Variants in FRMD4A observed in about 807,000 individuals in gnomAD.
The protein encoded by FRMD4A is FERM domain containing 4A.
FRMD4A carries 29 observed loss-of-function variants against 129.1 expected under a neutral mutation model. That is an observed-to-expected ratio of 0.22 (90% CI 0.17 to 0.31). The LOEUF is 0.31. FRMD4A is among the 10% of genes least tolerant of loss of function. The pLI, the probability that FRMD4A is intolerant of heterozygous loss-of-function variation, is 1.00. For synonymous variants in FRMD4A, 634 were observed against 571.6 expected, an observed-to-expected ratio of 1.11 and a Z score of -1.56; for missense variants, 1,272 against 1,375.8, an observed-to-expected ratio of 0.92 and a Z score of 1.19.
chr10:13,887,941 G>A (rs1323500408), intron 2 of FRMD4A, among the ~76,000 whole-genome samples: 1 of 152,204 alleles, frequency 6.6e-6, no homozygotes, highest in Admixed American at 6.5e-5. Flanking sequence ...GATGGATTTA[G>A]GGAACTAAAA....
Position 13,793,146 on chromosome 10 carries a change from G to C in FRMD4A, c.299+3350C>G, listed in dbSNP as rs562766356. Among the ~76,000 whole-genome samples, 53 of 150,666 alleles carry C rather than the reference G, an allele frequency of 3.5e-4. 1 individual carries two copies. In the South Asian group the frequency reaches 0.01, roughly 29 times the overall value. ...TCTAAAATGTACCTTCAGGTAGTTA[G>C]TTATCTTTTCCATGACCCTCTGTTT... On this transcript the variant is annotated intron_variant, in intron 5 of 24. Transcript: ENST00000357447.
chr10:13,791,196 T>C (rs954620317), intron 5 of FRMD4A, among the ~76,000 whole-genome samples: 1 of 152,118 alleles, frequency 6.6e-6, no homozygotes, highest in Non-Finnish European at 1.5e-5. Flanking sequence ...AGCAACATCT[T>C]CTTAGAGCAA....
chr10:14,250,597 T>A (rs758636394), intron 2 of FRMD4A, among the ~76,000 whole-genome samples: 1 of 152,250 alleles, frequency 6.6e-6, no homozygotes, highest in Non-Finnish European at 1.5e-5. Flanking sequence ...CTCAGCCATA[T>A]GTCAGACCCT....
intron 3 of FRMD4A, among the ~76,000 whole-genome samples, chr10:13,840,600 C>A (rs2093947285): frequency 6.6e-6 from 1 of 150,474 alleles, no homozygotes; most frequent in African/African-American, 2.4e-5. Context: ...ACCAGTCTGG[C>A]CAACATGGTG....
chr10:14,110,190 A>G (rs566778140), intron 2 of FRMD4A, among the ~76,000 whole-genome samples: 1 of 149,936 alleles, frequency 6.7e-6, no homozygotes, highest in South Asian at 2.1e-4. Flanking sequence ...TGAGCCATAG[A>G]AAATACTACA....
intron 21 of FRMD4A, among the ~76,000 whole-genome samples, chr10:13,658,132 T>TAAAAAAAAAAAAAAAAAA (rs565374030): frequency 1.2e-5 from 1 of 81,274 alleles, no homozygotes; most frequent in Non-Finnish European, 2.4e-5. Flanking sequence ...CTGTCTCTCT[T>TAAAAAAAAAAAAAAAAAA]AAAAAAAAAA....
chr10:13,956,628 G>A (rs894743567), intron 2 of FRMD4A, among the ~76,000 whole-genome samples: 6 of 152,190 alleles, frequency 3.9e-5, no homozygotes, highest in Admixed American at 2.0e-4. Context: ...TCTTGTGTAC[G>A]CCATGATGCT....
chr10:13,648,543 C>T (rs563535074), intron 24 of FRMD4A: 8 of 152,242 alleles, frequency 5.3e-5, no homozygotes, highest in South Asian at 4.2e-4. Flanking sequence ...GAGAGTCCCC[C>T]GATCAAAATC....
chr10:14,179,053 A>G (rs1271200845), intron 2 of FRMD4A, among the ~76,000 whole-genome samples: 1 of 152,170 alleles, frequency 6.6e-6, no homozygotes, highest in East Asian at 1.9e-4. Context: ...CTAGACTAGG[A>G]GCACTTGTAA....
chr10:13,789,648 T>C (rs1303673084), intron 5 of FRMD4A, among the ~76,000 whole-genome samples: 1 of 152,004 alleles, frequency 6.6e-6, no homozygotes, highest in Non-Finnish European at 1.5e-5. Flanking sequence ...TTGACCTATT[T>C]CTAAAGCTTG....
At chr10:14,027,915 C>G (rs910456354) in intron 2 of FRMD4A, among the ~76,000 whole-genome samples, 1 of 152,146 alleles carries the variant, frequency 6.6e-6, no homozygotes, top group Non-Finnish European at 1.5e-5. Flanking sequence ...ATCATGAATT[C>G]GGATTTTAGT....
intron 2 of FRMD4A, among the ~76,000 whole-genome samples, chr10:14,133,443 T>A (rs1457951149): frequency 6.6e-6 from 1 of 152,204 alleles, no homozygotes; most frequent in Non-Finnish European, 1.5e-5. Flanking sequence ...GGGTCCCTTA[T>A]GCATGACAGC....
At chr10:13,736,805 T>A (rs905539931) in intron 12 of FRMD4A, among the ~76,000 whole-genome samples, 1 of 152,248 alleles carries the variant, frequency 6.6e-6, no homozygotes, top group African/African-American at 2.4e-5. Context: ...TACCATCTCC[T>A]TTATTCTCCA....
intron 2 of FRMD4A, among the ~76,000 whole-genome samples, chr10:14,247,958 AC>A (rs758432540): frequency 5.3e-5 from 8 of 152,182 alleles, no homozygotes; most frequent in Non-Finnish European, 8.8e-5. Flanking sequence ...ACATGGCCAA[AC>A]CTCATCCTAA....
chr10:14,128,763 AC>A (rs1471710536), intron 2 of FRMD4A, among the ~76,000 whole-genome samples: 1 of 152,078 alleles, frequency 6.6e-6, no homozygotes, highest in Non-Finnish European at 1.5e-5. Context: ...CATCTTTACC[AC>A]CACCATTATC....
chr10:13,755,445 A>G (rs747679206), intron 8 of FRMD4A, among the ~76,000 whole-genome samples: 4 of 152,212 alleles, frequency 2.6e-5, no homozygotes, highest in Non-Finnish European at 4.4e-5. Flanking sequence ...ACACCATCCC[A>G]TGGTTTATAG....
intron 12 of FRMD4A, among the ~76,000 whole-genome samples, chr10:13,713,803 A>T (rs2088295919): frequency 8.0e-6 from 1 of 124,542 alleles, no homozygotes. Context: ...TATGTAATAT[A>T]TATACACATA....
chr10:14,251,411 T>G (rs1381716725), intron 2 of FRMD4A, among the ~76,000 whole-genome samples: 1 of 152,202 alleles, frequency 6.6e-6, no homozygotes, highest in African/African-American at 2.4e-5. Context: ...AAGAATGATC[T>G]TGGAAGCAAA....
At chr10:13,650,715 T>A (rs1207455770) in intron 24 of FRMD4A, among the ~76,000 whole-genome samples, 2 of 152,188 alleles carry the variant, frequency 1.3e-5, no homozygotes, top group African/African-American at 4.8e-5. Flanking sequence ...TGTCCTAACT[T>A]ACTTTTCAAA....
Sources: allele counts gnomAD v4.1 joint callset (sites outside exome capture counted in the v4.1 genomes callset), GRCh38; gene constraint gnomAD v4.1.1; transcripts MANE v1.5; gene names NCBI Gene and HGNC (gene_info 2026-07-23, HGNC 2026-07-21).